ELP4: variants seen among roughly 807,000 people sequenced by gnomAD.
ELP4 encodes the protein elongator acetyltransferase complex subunit 4.
In ELP4, 51 loss-of-function variants were observed where a neutral mutation model predicts 48.9. The observed-to-expected ratio is 1.04, with a 90% CI of 0.83 to 1.32. The LOEUF (loss-of-function observed/expected upper bound fraction) is 1.32. ELP4 is among the 40% of genes most tolerant of loss of function. ELP4 has a pLI of 0.00. For synonymous variants in ELP4, 210 were observed against 189.2 expected, an observed-to-expected ratio of 1.11 and a Z score of -0.90; for missense variants, 519 against 514.6, an observed-to-expected ratio of 1.01 and a Z score of -0.08.
At chr11:31,756,328 A>G (rs1947831249) in intron 9 of ELP4, among the ~76,000 whole-genome samples, 1 of 152,156 alleles carries the variant, frequency 6.6e-6, no homozygotes, top group Non-Finnish European at 1.5e-5. Context: ...TGGAAGCCCT[A>G]CAGATTCTGC....
intron 3 of ELP4, among the ~76,000 whole-genome samples, chr11:31,562,930 A>G (rs1346198199): frequency 6.6e-6 from 1 of 152,134 alleles, no homozygotes; most frequent in Non-Finnish European, 1.5e-5. Flanking sequence ...TATACTATTA[A>G]TACATGGATA....
In ELP4 at chr11:31,789,226, A is replaced by G; in HGVS notation, c.*5702A>G. On this transcript the variant is annotated 3_prime_UTR_variant, in exon 10 of 10. Coordinates refer to ENST00000640961, the MANE Select transcript of ELP4 (RefSeq NM_019040.5). ...TAAATGAAATTAACTTTATTATAGA[A>G]ATCATTCTGAGGATTTCTAGGGAAG... The G allele has an allele frequency of 4.7e-6, 1 of 211,318 alleles. No individual in the cohort carries two copies. Among genetic ancestry groups the G allele is most frequent in the Non-Finnish European group, 9.6e-6 (1 of 104,108 alleles). 13.1% of individuals were successfully genotyped at this position (211,318 alleles called of 1,614,324 possible).
At chr11:31,681,118 T>C (rs79548390) in intron 9 of ELP4, among the ~76,000 whole-genome samples, 242 of 152,332 alleles carry the variant, frequency 1.6e-3, no homozygotes, top group Non-Finnish European at 2.1e-3. Flanking sequence ...AAATTTACAC[T>C]CACTTTGACT....
intron 4 of ELP4, among the ~76,000 whole-genome samples, 175 bp from the exon 5 acceptor site, chr11:31,603,593 T>G (rs185696056): frequency 2.0e-5 from 3 of 152,032 alleles, no homozygotes; most frequent in African/African-American, 7.2e-5. Context: ...TATAAATGGT[T>G]TAAAATAATA....
intron 9 of ELP4, among the ~76,000 whole-genome samples, chr11:31,776,757 A>G (rs891605469): frequency 2.0e-5 from 3 of 152,258 alleles, no homozygotes; most frequent in Admixed American, 6.5e-5. Flanking sequence ...AGTCAGGAAG[A>G]ACCCAATGAA....
rs77720633 is a variant in ELP4 at position 31,751,153 on chromosome 11, G to A, written c.1144-32240G>A. On this transcript the variant is annotated intron_variant, in intron 9 of 9. Transcript: ENST00000640961. The stretch of plus-strand genomic sequence containing the variant: ...CTTCTCTCAACTCAAATTAATATGT[G>A]TGTTTTAAATGATGACTTTCTAACA... 3.3e-3 allele frequency among the ~76,000 whole-genome samples: 498 copies of A among 152,288 alleles called. 2 individuals are homozygous for A. The highest frequency in any genetic ancestry group is 0.011 in the African/African-American group (446 of 41,554).
At chr11:31,722,810 C>T (rs1027051167) in intron 9 of ELP4, among the ~76,000 whole-genome samples, 1 of 152,076 alleles carries the variant, frequency 6.6e-6, no homozygotes, top group Non-Finnish European at 1.5e-5. Flanking sequence ...GGATACTCAG[C>T]ACAGACTTCA....
intron 9 of ELP4, among the ~76,000 whole-genome samples, chr11:31,737,864 T>C (rs1413386097): frequency 2.0e-5 from 3 of 152,170 alleles, no homozygotes; most frequent in African/African-American, 7.2e-5. Context: ...GTATAGCCAC[T>C]GTGGAAAACA....
At chr11:31,583,005 T>C (rs1383989985) in intron 3 of ELP4, among the ~76,000 whole-genome samples, 2 of 152,194 alleles carry the variant, frequency 1.3e-5, no homozygotes, top group Admixed American at 1.3e-4. Context: ...CCCTCAGCAG[T>C]GCTCCAGCTT....
chr11:31,516,848 T>A lies in ELP4; in HGVS notation c.224-3208T>A, dbSNP rs144720380. On this transcript the variant is annotated intron_variant, in intron 1 of 9. Coordinates refer to ENST00000640961, the MANE Select transcript of ELP4 (RefSeq NM_019040.5). The stretch of plus-strand genomic sequence containing the variant: ...ATTTCAGCTTATGTTTATCTTTTCA[T>A]CTGAAGATAAAAGTTATCCTATGTA... Among the ~76,000 whole-genome samples, 1,044 of 152,266 alleles carry A rather than the reference T, an allele frequency of 6.9e-3. 15 individuals are homozygous for A. Among genetic ancestry groups the A allele is most frequent in the African/African-American group, 0.022 (903 of 41,548 alleles).
At chr11:31,537,427 G>A (rs956449341) in intron 2 of ELP4, among the ~76,000 whole-genome samples, 1 of 152,108 alleles carries the variant, frequency 6.6e-6, no homozygotes, top group Admixed American at 6.6e-5. Context: ...GAAATAAAAT[G>A]ATAAGTTTTC....
At chr11:31,627,748 C>A (rs1944777986) in intron 6 of ELP4, among the ~76,000 whole-genome samples, 1 of 152,050 alleles carries the variant, frequency 6.6e-6, no homozygotes, top group African/African-American at 2.4e-5. Flanking sequence ...TTAGCTTAAA[C>A]AAAGTGAGGA....
rs547276677 is a variant in ELP4, at chr11:31,593,262, G to C, written c.382-1508G>C. Among the ~76,000 whole-genome samples, 108 of 151,118 alleles carry C rather than the reference G, an allele frequency of 7.1e-4. 1 individual carries two copies. Among genetic ancestry groups the C allele is most frequent in the African/African-American group, 2.3e-3 (96 of 41,212 alleles). On this transcript the variant is annotated intron_variant, in intron 3 of 9. Coordinates refer to ENST00000640961, the MANE Select transcript of ELP4 (RefSeq NM_019040.5). ...TGTTGTTGTTGTTGTTGTTGTTGTT[G>C]TTGTTGTTAAGACAGGGTTTCACTT...
At chr11:31,628,286 C>G (rs1944788861) in intron 6 of ELP4, 1 of 152,126 alleles carries the variant, frequency 6.6e-6, no homozygotes, top group Non-Finnish European at 1.5e-5. Flanking sequence ...CCTATCCCCA[C>G]TTGCTGTGGT....
Position 31,627,366 on chromosome 11 carries a change from A to G in ELP4, c.738+172A>G, listed in dbSNP as rs79243685. Among the ~76,000 whole-genome samples the G allele has an allele frequency of 4.8e-3, 737 of 152,154 alleles. 7 individuals carry two copies. Among genetic ancestry groups the G allele is most frequent in the African/African-American group, 0.015 (613 of 41,536 alleles). On this transcript the variant is annotated intron_variant, in intron 6 of 9. Transcript: ENST00000640961. ...CACAAGCAGCCTTAGTTTGACTGTT[A>G]CTGTGTATTTAGAGTTTCAGCTAAG...
intron 3 of ELP4, among the ~76,000 whole-genome samples, chr11:31,540,127 G>A (rs1045191897): frequency 5.9e-5 from 9 of 152,046 alleles, no homozygotes; most frequent in African/African-American, 7.2e-5. Context: ...TGAAGAAAGG[G>A]GAAAAACATC....
intron 9 of ELP4, among the ~76,000 whole-genome samples, chr11:31,755,716 G>T (rs1190669307): frequency 1.4e-5 from 2 of 146,918 alleles, no homozygotes; most frequent in African/African-American, 5.2e-5. Flanking sequence ...AATGCAAGTG[G>T]GATCCTGGAA....
chr11:31,725,301 G>T (rs1947054291), intron 9 of ELP4, among the ~76,000 whole-genome samples: 1 of 152,116 alleles, frequency 6.6e-6, no homozygotes, highest in Non-Finnish European at 1.5e-5. Flanking sequence ...CTTGCTGATG[G>T]ATTCCCCTTG....
chr11:31,726,295 G>A (rs532827467), intron 9 of ELP4, among the ~76,000 whole-genome samples: 7 of 152,262 alleles, frequency 4.6e-5, no homozygotes, highest in African/African-American at 1.7e-4. Context: ...GTGGGAAATG[G>A]AAATTTGGGG....
Sources: allele counts gnomAD v4.1 joint callset (sites outside exome capture counted in the v4.1 genomes callset), GRCh38; gene constraint gnomAD v4.1.1; transcripts MANE v1.5; gene names NCBI Gene and HGNC (gene_info 2026-07-23, HGNC 2026-07-21).